The following DGKH variants were observed in gnomAD, a reference collection of about 807,000 sequenced individuals.
DGKH encodes the protein diacylglycerol kinase eta, also known as DAG kinase eta.
Under a neutral mutation model 159.3 loss-of-function variants are expected in DGKH, and 90 were observed. The ratio of observed to expected loss-of-function variants is 0.57; its 90% confidence interval spans 0.48 to 0.67. The LOEUF is 0.67. DGKH is among the 30% of genes least tolerant of loss of function. The pLI is 0.00. For missense variants in DGKH, 1,181 were observed against 1,506.1 expected (o/e 0.78, Z 3.57); for synonymous variants, 536 against 553.8 (o/e 0.97, Z 0.45).
At chr13:42,125,405 T>C (rs948474184) in intron 1 of DGKH, among the ~76,000 whole-genome samples, 9 of 152,218 alleles carry the variant, frequency 5.9e-5, no homozygotes, top group Non-Finnish European at 1.5e-5. Flanking sequence ...GGCATTATCT[T>C]ATAATTAAGT....
At chr13:42,249,773 C>T (rs1228349950) in intron 29 of DGKH, among the ~76,000 whole-genome samples, 1 of 152,154 alleles carries the variant, frequency 6.6e-6, no homozygotes, top group Admixed American at 6.5e-5. Flanking sequence ...AGCTGAATGT[C>T]TAAGAATCAT....
intron 29 of DGKH, among the ~76,000 whole-genome samples, chr13:42,222,405 G>C (rs868485019): frequency 6.6e-6 from 1 of 152,174 alleles, no homozygotes; most frequent in Non-Finnish European, 1.5e-5. Context: ...TTATTAAACA[G>C]ATTCACAAAG....
At chr13:42,109,369 C>T (rs1264212721) in intron 1 of DGKH, among the ~76,000 whole-genome samples, 1 of 152,214 alleles carries the variant, frequency 6.6e-6, no homozygotes, top group Non-Finnish European at 1.5e-5. Context: ...TCTTTAACAA[C>T]TAGTCAGCCG....
chr13:42,256,425 C>T (rs1484487068), exon 31 of DGKH: 5 of 1,572,384 alleles, frequency 3.2e-6, no homozygotes, highest in Non-Finnish European at 4.4e-6. Flanking sequence ...GCTAAGACAG[C>T]ACACAAAAAT....
intron 3 of DGKH, among the ~76,000 whole-genome samples, chr13:42,145,615 C>T (rs1021027651): frequency 6.6e-6 from 1 of 152,166 alleles, no homozygotes; most frequent in East Asian, 1.9e-4. Flanking sequence ...CACAACAGCC[C>T]TGGCCCTTGA....
At chr13:42,067,312 CTATCAAATGAGAATAGTA>C (rs1158556444) in intron 1 of DGKH, among the ~76,000 whole-genome samples, 1 of 152,088 alleles carries the variant, frequency 6.6e-6, no homozygotes, top group African/African-American at 2.4e-5. Flanking sequence ...AGTTTAGAAC[CTATCAAATGAGAATAGTA>C]TATCAAATCA....
At chr13:42,108,523 G>A (rs1431469135) in intron 1 of DGKH, among the ~76,000 whole-genome samples, 1 of 152,172 alleles carries the variant, frequency 6.6e-6, no homozygotes, top group South Asian at 2.1e-4. Flanking sequence ...TTTGGAATTA[G>A]AATCTAGGTT....
At chr13:42,094,080 G>C (rs538784673) in intron 1 of DGKH, among the ~76,000 whole-genome samples, 1 of 140,534 alleles carries the variant, frequency 7.1e-6, no homozygotes, top group Admixed American at 7.6e-5. Flanking sequence ...AGAACACATG[G>C]ACACAGGAAG....
At chr13:42,051,570 TTC>T (rs1566075608) in intron 1 of DGKH, among the ~76,000 whole-genome samples, 1 of 151,874 alleles carries the variant, frequency 6.6e-6, no homozygotes, top group Non-Finnish European at 1.5e-5. Context: ...GACAAATACT[TTC>T]TGTGTCTCCG....
intron 15 of DGKH, among the ~76,000 whole-genome samples, chr13:42,189,528 G>A (rs1957013747): frequency 6.6e-6 from 1 of 151,988 alleles, no homozygotes; most frequent in South Asian, 2.1e-4. Flanking sequence ...AAATAAAATA[G>A]CAGAAATAAA....
chr13:42,040,787 G>C (rs1350109516), intron 1 of DGKH, among the ~76,000 whole-genome samples: 1 of 147,976 alleles, frequency 6.8e-6, no homozygotes, highest in African/African-American at 2.4e-5. Context: ...GAGAGGGACC[G>C]CGGCGAGGGA....
At chr13:42,150,299 G>A (rs1026633869) in intron 3 of DGKH, among the ~76,000 whole-genome samples, 1 of 152,092 alleles carries the variant, frequency 6.6e-6, no homozygotes, top group Non-Finnish European at 1.5e-5. Flanking sequence ...AATGGATTGT[G>A]CCCTAGACAG....
intron 3 of DGKH, among the ~76,000 whole-genome samples, chr13:42,148,087 T>C (rs1007773601): frequency 2.0e-5 from 3 of 152,230 alleles, no homozygotes; most frequent in Non-Finnish European, 4.4e-5. Flanking sequence ...AGTAAATTCT[T>C]TGCCAATCCT....
At chr13:42,200,963 AC>A (rs1375658891) in intron 20 of DGKH, among the ~76,000 whole-genome samples, 2 of 150,878 alleles carry the variant, frequency 1.3e-5, no homozygotes, top group Non-Finnish European at 3.0e-5. Context: ...TTCTTCATGT[AC>A]CCCGGTTGGC....
chr13:42,151,416 T>C (rs935881917), intron 3 of DGKH, among the ~76,000 whole-genome samples: 1 of 151,042 alleles, frequency 6.6e-6, no homozygotes, highest in Non-Finnish European at 1.5e-5. Context: ...GGCTTCTAGT[T>C]CCATCCATTA....
intron 1 of DGKH, among the ~76,000 whole-genome samples, chr13:42,064,337 A>G (rs775298069): frequency 1.7e-4 from 26 of 152,146 alleles, no homozygotes; most frequent in African/African-American, 6.3e-4. Flanking sequence ...AGCAGTGTGA[A>G]TATCAAGTTG....
chr13:42,099,122 C>T (rs528800658), intron 1 of DGKH, among the ~76,000 whole-genome samples: 67 of 152,308 alleles, frequency 4.4e-4, no homozygotes, highest in African/African-American at 1.5e-3. Flanking sequence ...TTCTCGCCCA[C>T]ACTAATTCAT....
intron 11 of DGKH, 68 bp downstream of exon 11, chr13:42,168,886 CTTAATAAATATTTATTAATAAATTTT>C: frequency 6.8e-7 from 1 of 1,472,166 alleles, no homozygotes; most frequent in Admixed American, 2.2e-5. Context: ...TTGATGATTT[CTTAATAAATATTTATTAATAAATTTT>C]ACTGACTAGA....
intron 1 of DGKH, among the ~76,000 whole-genome samples, chr13:42,117,984 G>C (rs1355424064): frequency 6.6e-6 from 1 of 152,122 alleles, no homozygotes; most frequent in Non-Finnish European, 1.5e-5. Context: ...TTGGGAGGCC[G>C]AGACAGGCGG....
Sources: gnomAD v4.1 joint callset for allele counts (sites outside exome capture counted in the v4.1 genomes callset) on GRCh38, gnomAD v4.1.1 for gene constraint, MANE v1.5 for transcripts, NCBI Gene and HGNC (gene_info 2026-07-23, HGNC 2026-07-21) for gene names.